Variants in ZNF827 observed in about 807,000 individuals in gnomAD.
ZNF827 encodes the protein zinc finger protein 827.
ZNF827 carries 13 observed loss-of-function variants against 102.4 expected under a neutral mutation model. The ratio of observed to expected loss-of-function variants is 0.13; its 90% CI spans 0.08 to 0.20. ZNF827 has a LOEUF of 0.20. ZNF827 is among the 10% of genes least tolerant of loss of function. The probability of loss-of-function intolerance (pLI) is 1.00; values close to 1 mark genes in which losing one functional copy is unlikely to be tolerated. For missense variants in ZNF827, 1,103 were observed against 1,344.4 expected, an observed-to-expected ratio of 0.82 and a Z score of 2.81; for synonymous variants, 523 against 536.2, an observed-to-expected ratio of 0.98 and a Z score of 0.34.
chr4:145,793,970 TC>T (rs762378543), intron 8 of ZNF827, among the ~76,000 whole-genome samples: 2 of 152,112 alleles, frequency 1.3e-5, no homozygotes, highest in Non-Finnish European at 2.9e-5. Flanking sequence ...TCAGCTCAGC[TC>T]CCTCTTCACC....
At chr4:145,827,614 G>A (rs956567325) in intron 7 of ZNF827, among the ~76,000 whole-genome samples, 4 of 152,114 alleles carry the variant, frequency 2.6e-5, no homozygotes, top group East Asian at 1.9e-4. Flanking sequence ...CTTCTATTTC[G>A]CCAAAGCTGT....
chr4:145,828,317 G>A (rs1181158767), intron 7 of ZNF827, among the ~76,000 whole-genome samples: 1 of 152,106 alleles, frequency 6.6e-6, no homozygotes, highest in Non-Finnish European at 1.5e-5. Flanking sequence ...CAGAAAGTAA[G>A]CCAAGGAAGT....
At chr4:145,785,388 G>A (rs556793050) in intron 8 of ZNF827, among the ~76,000 whole-genome samples, 15 of 152,164 alleles carry the variant, frequency 9.9e-5, no homozygotes, top group East Asian at 1.9e-4. Context: ...AAACCCATTC[G>A]GTAGAATTTA....
intron 5 of ZNF827, among the ~76,000 whole-genome samples, chr4:145,853,580 A>AAAAC (rs988389319): frequency 9.9e-5 from 15 of 152,224 alleles, no homozygotes; most frequent in African/African-American, 1.4e-4. Context: ...ACTCTGTCTC[A>AAAAC]AAACAAACAA....
intron 5 of ZNF827, among the ~76,000 whole-genome samples, chr4:145,860,029 C>T (rs1432111960): frequency 2.0e-5 from 3 of 152,196 alleles, no homozygotes; most frequent in African/African-American, 7.2e-5. Context: ...TCCTACTCCC[C>T]AGCTTTCTTC....
chr4:145,827,917 C>T (rs771805991), intron 7 of ZNF827, among the ~76,000 whole-genome samples: 5 of 152,102 alleles, frequency 3.3e-5, no homozygotes, highest in East Asian at 1.9e-4. Flanking sequence ...TGCCAGTGAC[C>T]GTAAAGTACA....
chr4:145,864,898 C>G (rs1483265748), intron 5 of ZNF827, among the ~76,000 whole-genome samples: 1 of 152,182 alleles, frequency 6.6e-6, no homozygotes, highest in Non-Finnish European at 1.5e-5. Context: ...AAAAATACAA[C>G]ATGTATTTTC....
At chr4:145,825,500 T>C (rs1743582434) in intron 7 of ZNF827, among the ~76,000 whole-genome samples, 1 of 152,072 alleles carries the variant, frequency 6.6e-6, no homozygotes, top group Non-Finnish European at 1.5e-5. Flanking sequence ...AGATGGGACG[T>C]GGTGATGCTG....
intron 7 of ZNF827, among the ~76,000 whole-genome samples, chr4:145,838,831 T>G (rs568906578): frequency 6.6e-6 from 1 of 152,356 alleles, no homozygotes; most frequent in African/African-American, 2.4e-5. Context: ...TGCTCCTATA[T>G]TATCTGGAAA....
At chr4:145,830,239 A>G (rs1041448049) in intron 7 of ZNF827, among the ~76,000 whole-genome samples, 27 of 152,158 alleles carry the variant, frequency 1.8e-4, no homozygotes, top group Non-Finnish European at 3.5e-4. Context: ...TGCTAATAAT[A>G]ACAGATTACA....
chr4:145,861,987 T>G (rs1437857066), intron 5 of ZNF827, among the ~76,000 whole-genome samples: 2 of 152,070 alleles, frequency 1.3e-5, no homozygotes, highest in Non-Finnish European at 2.9e-5. Flanking sequence ...GCAAAAAGGG[T>G]AGCCTGAAGC....
At chr4:145,884,730 TA>T (rs535524584) in intron 4 of ZNF827, among the ~76,000 whole-genome samples, 75 of 152,132 alleles carry the variant, frequency 4.9e-4, no homozygotes, top group African/African-American at 1.6e-3. Context: ...GAAAAAATGA[TA>T]AAAAAAGAAA....
At chr4:145,924,161 A>G (rs972923746) in intron 1 of ZNF827, among the ~76,000 whole-genome samples, 2 of 152,258 alleles carry the variant, frequency 1.3e-5, no homozygotes, top group African/African-American at 4.8e-5. Flanking sequence ...CACACTGTAC[A>G]CTAACACTGT....
chr4:145,782,691 T>TG (rs1193216674), intron 8 of ZNF827, among the ~76,000 whole-genome samples: 1 of 152,172 alleles, frequency 6.6e-6, no homozygotes, highest in African/African-American at 2.4e-5. Flanking sequence ...CATCATGTCT[T>TG]GTTCTGTATG....
intron 6 of ZNF827, among the ~76,000 whole-genome samples, chr4:145,846,685 C>T (rs1303349878): frequency 7.4e-6 from 1 of 134,234 alleles, no homozygotes; most frequent in Non-Finnish European, 1.5e-5. Context: ...GGCATGATGG[C>T]GCGTGCCTGT....
intron 8 of ZNF827, among the ~76,000 whole-genome samples, chr4:145,808,962 G>A (rs1741757527): frequency 6.6e-6 from 1 of 151,830 alleles, no homozygotes; most frequent in Non-Finnish European, 1.5e-5. Context: ...GACCATACAT[G>A]GCTAATTTTT....
intron 6 of ZNF827, among the ~76,000 whole-genome samples, chr4:145,847,827 A>C (rs973614462): frequency 6.6e-6 from 1 of 152,234 alleles, no homozygotes; most frequent in African/African-American, 2.4e-5. Flanking sequence ...AAGATTTGCA[A>C]CACCCGTCTC....
intron 1 of ZNF827, among the ~76,000 whole-genome samples, chr4:145,932,787 A>G (rs1320046377): frequency 6.6e-6 from 1 of 152,152 alleles, no homozygotes; most frequent in Non-Finnish European, 1.5e-5. Flanking sequence ...ATTTTAAACC[A>G]ACTTCTGACC....
intron 7 of ZNF827, among the ~76,000 whole-genome samples, chr4:145,842,097 G>A (rs1745477904): frequency 6.6e-6 from 1 of 152,142 alleles, no homozygotes; most frequent in Non-Finnish European, 1.5e-5. Flanking sequence ...GTATATGTTT[G>A]AAATTTTCCA....
Sources: gnomAD v4.1 joint callset for allele counts (sites outside exome capture counted in the v4.1 genomes callset) on GRCh38, gnomAD v4.1.1 for gene constraint, MANE v1.5 for transcripts, NCBI Gene and HGNC (gene_info 2026-07-23, HGNC 2026-07-21) for gene names.